ITK: variants seen among roughly 807,000 people sequenced by gnomAD.
The protein encoded by ITK is tyrosine-protein kinase ITK/TSK.
A neutral mutation model predicts 87.6 loss-of-function variants in ITK; 45 were observed. The observed-to-expected ratio is 0.51, with a 90% CI of 0.40 to 0.66. The LOEUF (loss-of-function observed/expected upper bound fraction) is 0.66, where lower values mean the gene tolerates loss of function less well. Among genes scored for constraint, ITK ranks in the 30% least tolerant of loss-of-function variants. The probability of loss-of-function intolerance (pLI) is 0.00; values close to 1 mark genes in which losing one functional copy is unlikely to be tolerated. For missense variants in ITK, 605 were observed against 766.3 expected, an observed-to-expected ratio of 0.79 and a Z score of 2.48; for synonymous variants, 303 against 273.6, an observed-to-expected ratio of 1.11 and a Z score of -1.06.
rs371332859 is a variant in ITK, at chr5:157,252,700, C to T, written c.*22C>T. The T allele has an allele frequency of 9.6e-6, 15 of 1,555,474 alleles. No homozygotes were observed. The highest frequency in any genetic ancestry group is 4.1e-5 in the African/African-American group (3 of 73,718). ...TTAGTAGAGACTGAGTACCAGGCCA[C>T]GGGCTGCAGATCCTGAATGGAGGAA... On this transcript the variant is annotated 3_prime_UTR_variant, in exon 17 of 17. Transcript: ENST00000422843.
intron 2 of ITK, among the ~76,000 whole-genome samples, chr5:157,210,230 G>A (rs554543903): frequency 6.6e-5 from 10 of 152,106 alleles, no homozygotes; most frequent in African/African-American, 9.7e-5. Context: ...TAAAGTCCTT[G>A]TATATGAATC....
intron 15 of ITK, 98 bp downstream of exon 15, chr5:157,246,097 T>C (rs1390424489): frequency 1.2e-6 from 1 of 865,508 alleles, no homozygotes. Flanking sequence ...CTGAACCCTG[T>C]ATCATATCAT....
In ITK at chr5:157,208,921, C is replaced by T. The variant is rs1261260872; in HGVS notation, c.171C>T (p.Leu57=). ...KKRTLKGSIE[L]SRIKCVEIVK... is the part of the protein sequence containing the mutation. ...GCACGCTGAAGGGGTCCATTGAGCT[C>T]TCCCGAATCAAATGTGTTGAGATTG... The change falls in exon 2 of 17, where the codon CTC becomes CTT. Residue 57 remains leucine, a synonymous_variant. Coordinates refer to ENST00000422843, the MANE Select transcript of ITK (RefSeq NM_005546.4). 7 of 1,613,986 alleles carry T rather than the reference C, an allele frequency of 4.3e-6. No individual in the cohort carries two copies. Among genetic ancestry groups the T allele is most frequent in the South Asian group, 2.2e-5 (2 of 91,080 alleles).
At chr5:157,252,361 A>G (rs1755158004) in intron 16 of ITK, among the ~76,000 whole-genome samples, 1 of 152,230 alleles carries the variant, frequency 6.6e-6, no homozygotes, top group African/African-American at 2.4e-5. Flanking sequence ...ACTGAGGTTC[A>G]AAGAGGTTAA....
intron 1 of ITK, among the ~76,000 whole-genome samples, chr5:157,198,395 T>C (rs932529404): frequency 6.6e-6 from 1 of 152,192 alleles, no homozygotes; most frequent in African/African-American, 2.4e-5. Context: ...ATGGCAGGTT[T>C]TAAAGGAAGT....
chr5:157,207,599 C>T (rs1561652179), intron 1 of ITK, among the ~76,000 whole-genome samples: 3 of 151,840 alleles, frequency 2.0e-5, no homozygotes, highest in African/African-American at 7.3e-5. Flanking sequence ...CAGGCTGTCT[C>T]GAACTCCTGA....
intron 7 of ITK, among the ~76,000 whole-genome samples, chr5:157,231,600 T>C (rs939221678): frequency 6.6e-6 from 1 of 152,208 alleles, no homozygotes; most frequent in Non-Finnish European, 1.5e-5. Context: ...TCCTCCTGCA[T>C]TTATTAATTT....
At chr5:157,205,264 A>G (rs994472013) in intron 1 of ITK, among the ~76,000 whole-genome samples, 2 of 152,218 alleles carry the variant, frequency 1.3e-5, no homozygotes, top group African/African-American at 4.8e-5. Flanking sequence ...GCCCAAAGTC[A>G]CAGAGCTCTT....
chr5:157,236,374 T>TAA lies in ITK; in HGVS notation c.769-1721_769-1720dup, dbSNP rs35365324. On this transcript the variant is annotated intron_variant, in intron 8 of 16. Transcript: ENST00000422843. ...TGGGTGACAGAATGAGACTCCATCTTAAAAAAAAAAAAAAATCCTTTTAAA... is the reference window on the plus strand; with the variant it reads ...TGGGTGACAGAATGAGACTCCATCTTAAAAAAAAAAAAAAAAATCCTTTTAAA... Among the ~76,000 whole-genome samples, 1,081 of 146,376 alleles carry TAA rather than the reference T, an allele frequency of 7.4e-3. 11 individuals carry two copies. Among genetic ancestry groups the TAA allele is most frequent in the African/African-American group, 0.023 (895 of 39,746 alleles).
chr5:157,224,827 T>C (rs1754499843), intron 6 of ITK, among the ~76,000 whole-genome samples: 2 of 152,158 alleles, frequency 1.3e-5, no homozygotes. Flanking sequence ...GAATGTATGA[T>C]TGTATTATTA....
chr5:157,206,522 T>C (rs776197241), intron 1 of ITK, among the ~76,000 whole-genome samples: 4 of 152,112 alleles, frequency 2.6e-5, no homozygotes, highest in Non-Finnish European at 5.9e-5. Context: ...GTCCCAGGCT[T>C]TTTTTGGGTG....
Position 157,236,210 on chromosome 5 carries a change from C to A in ITK, c.769-1899C>A, listed in dbSNP as rs533558007. Among the ~76,000 whole-genome samples, 4 of 152,154 alleles carry A rather than the reference C, an allele frequency of 2.6e-5. No individual in the cohort carries two copies. In the South Asian group the frequency reaches 8.3e-4, roughly 32 times the overall value. Reference sequence around the variant, plus strand: ...ACATCATAGTGAAACCTCATCTCTACTAAAAATACAAAAAATTAGCCAGGC... The same window carrying A: ...ACATCATAGTGAAACCTCATCTCTAATAAAAATACAAAAAATTAGCCAGGC... On this transcript the variant is annotated intron_variant, in intron 8 of 16. Coordinates refer to ENST00000422843, the MANE Select transcript of ITK (RefSeq NM_005546.4).
chr5:157,221,249 G>A (rs1754406865), intron 5 of ITK, among the ~76,000 whole-genome samples: 1 of 151,490 alleles, frequency 6.6e-6, no homozygotes, highest in Non-Finnish European at 1.5e-5. Flanking sequence ...TGTGGTATTG[G>A]GACTCAACTA....
At chr5:157,194,768 T>C (rs534908587) in intron 1 of ITK, among the ~76,000 whole-genome samples, 16 of 152,304 alleles carry the variant, frequency 1.1e-4, no homozygotes, top group Middle Eastern at 3.4e-3. Context: ...ATTTAAAGTT[T>C]CCTCCTAGAA....
intron 1 of ITK, among the ~76,000 whole-genome samples, chr5:157,184,189 G>C (rs528470961): frequency 6.6e-6 from 1 of 152,238 alleles, no homozygotes; most frequent in Non-Finnish European, 1.5e-5. Flanking sequence ...CTATGACAGA[G>C]GACAATGAGA....
chr5:157,235,331 A>C (rs188835772), intron 8 of ITK, among the ~76,000 whole-genome samples: 148 of 152,302 alleles, frequency 9.7e-4, no homozygotes, highest in African/African-American at 3.3e-3. Context: ...CTAATGTGCC[A>C]TATCAGTTCT....
At chr5:157,200,404 T>G (rs1753941975) in intron 1 of ITK, among the ~76,000 whole-genome samples, 2 of 152,230 alleles carry the variant, frequency 1.3e-5, no homozygotes, top group Non-Finnish European at 2.9e-5. Context: ...GTGGCTTTTG[T>G]GTGGTTTCCT....
intron 5 of ITK, among the ~76,000 whole-genome samples, chr5:157,220,187 C>A (rs1416251729): frequency 6.6e-6 from 1 of 152,104 alleles, no homozygotes. Context: ...GGCCAGTCCT[C>A]CGGGGACTGG....
At chr5:157,204,413 A>T (rs1470671295) in intron 1 of ITK, among the ~76,000 whole-genome samples, 3 of 152,238 alleles carry the variant, frequency 2.0e-5, no homozygotes, top group Non-Finnish European at 2.9e-5. Context: ...TACAAAAAAA[A>T]TTGGGGACCA....
Sources: allele counts gnomAD v4.1 joint callset (sites outside exome capture counted in the v4.1 genomes callset), GRCh38; gene constraint gnomAD v4.1.1; transcripts MANE v1.5; gene names NCBI Gene and HGNC (gene_info 2026-07-23, HGNC 2026-07-21).